CAST: variants seen among roughly 807,000 people sequenced by gnomAD.
The protein encoded by CAST is MIR583 host.
A neutral mutation model predicts 119.6 loss-of-function variants in CAST; 76 were observed. The ratio of observed to expected loss-of-function variants is 0.64; its 90% CI spans 0.53 to 0.77. CAST has a LOEUF of 0.77. CAST is among the 30% of genes least tolerant of loss of function. The pLI is 0.00. For missense variants in CAST, 953 were observed against 946.5 expected (o/e 1.01, Z -0.09); for synonymous variants, 319 against 331.6 (o/e 0.96, Z 0.41).
chr5:96,246,328 A>G, the CAST span, among the ~76,000 whole-genome samples: 22 of 151,672 alleles, frequency 1.5e-4, no homozygotes, highest in Non-Finnish European at 1.5e-4. Context: ...GACTACAGGC[A>G]CCCGCCACCA....
chr5:96,648,312 G>A (rs1447263755), intron 1 of CAST, among the ~76,000 whole-genome samples: 1 of 152,134 alleles, frequency 6.6e-6, no homozygotes, highest in Non-Finnish European at 1.5e-5. Flanking sequence ...TTTCAGGATA[G>A]AGTCACTCAG....
intron 1 of CAST, among the ~76,000 whole-genome samples, chr5:96,580,219 T>C (rs1580833195): frequency 6.6e-6 from 1 of 152,174 alleles, no homozygotes; most frequent in East Asian, 1.9e-4. Flanking sequence ...TTATATTAAT[T>C]TCCCCAGAAA....
chr5:96,427,423 G>C, the CAST span, among the ~76,000 whole-genome samples: 3,746 of 152,228 alleles, frequency 0.025, 153 homozygotes, highest in African/African-American at 0.086. Context: ...TAATACTTTT[G>C]ATCTGGAAAG....
rs572791719 is a variant in CAST, at chr5:96,744,789, A to G, written c.1201-1553A>G. On this transcript the variant is annotated intron_variant, in intron 16 of 31. Coordinates refer to ENST00000675179, the MANE Select transcript of CAST (RefSeq NM_001750.7). ...CTGCCACCCCAGCATACCCCAGAAT[A>G]GAGAGCTATCTGTGGAAAACCACAC... Among the ~76,000 whole-genome samples the G allele has an allele frequency of 2.8e-3, 427 of 152,322 alleles. 7 individuals are homozygous for G. The highest frequency in any genetic ancestry group is 9.7e-3 in the African/African-American group (403 of 41,572).
chr5:96,201,971 A>G, the CAST span, among the ~76,000 whole-genome samples: 61 of 150,052 alleles, frequency 4.1e-4, no homozygotes, highest in East Asian at 2.1e-3. Flanking sequence ...ATAAAATAAA[A>G]TAAGATGAAA....
At chr5:96,333,248 T>C in the CAST span, among the ~76,000 whole-genome samples, 7 of 152,090 alleles carry the variant, frequency 4.6e-5, no homozygotes, top group Non-Finnish European at 8.8e-5. Flanking sequence ...TAGAGTGACC[T>C]GTACAGTGTG....
intron 9 of CAST, among the ~76,000 whole-genome samples, chr5:96,733,926 G>C (rs184948360): frequency 4.9e-4 from 75 of 152,272 alleles, no homozygotes; most frequent in South Asian, 6.2e-4. Context: ...TGGTTCTGCA[G>C]GATGCACTAG....
chr5:96,752,480 A>C (rs1446998225), intron 20 of CAST, among the ~76,000 whole-genome samples: 4 of 148,562 alleles, frequency 2.7e-5, no homozygotes, highest in African/African-American at 9.8e-5. Flanking sequence ...ATCCTTGATT[A>C]GAGTGTTGCA....
the CAST span, among the ~76,000 whole-genome samples, chr5:96,158,294 T>C: frequency 2.0e-5 from 3 of 152,220 alleles, no homozygotes; most frequent in Admixed American, 6.5e-5. Flanking sequence ...CAGCAAATTT[T>C]ATTCTGATGC....
At chr5:96,185,684 C>A in the CAST span, among the ~76,000 whole-genome samples, 1 of 152,222 alleles carries the variant, frequency 6.6e-6, no homozygotes, top group Non-Finnish European at 1.5e-5. Flanking sequence ...TTTCTGAGTT[C>A]TCTATTCTGA....
intron 1 of CAST, among the ~76,000 whole-genome samples, chr5:96,540,479 A>G (rs1008191548): frequency 2.6e-5 from 4 of 152,184 alleles, no homozygotes; most frequent in African/African-American, 7.2e-5. Context: ...TATAGAAAAA[A>G]TAAGCAAATA....
At chr5:96,603,759 CTTTTTTTTTTTTT>C (rs70981832) in intron 1 of CAST, among the ~76,000 whole-genome samples, 3 of 79,498 alleles carry the variant, frequency 3.8e-5, no homozygotes, top group East Asian at 9.1e-4. Flanking sequence ...GTGCTGTACT[CTTTTTTTTTTTTT>C]TTTTTTTTTT....
chr5:96,468,975 A>T, the CAST span, among the ~76,000 whole-genome samples: 1 of 152,052 alleles, frequency 6.6e-6, no homozygotes. Context: ...CATAAACTTA[A>T]ATTTTGTCCT....
intron 1 of CAST, chr5:96,546,538 T>C (rs918835023): frequency 1.6e-5 from 2 of 126,122 alleles, no homozygotes; most frequent in Non-Finnish European, 3.3e-5. Context: ...TTTCTCAAAA[T>C]GGAAATAGTT....
intron 1 of CAST, among the ~76,000 whole-genome samples, chr5:96,572,404 T>C (rs1389149196): frequency 1.3e-5 from 2 of 152,212 alleles, no homozygotes; most frequent in Non-Finnish European, 2.9e-5. Context: ...TTTCGCCATG[T>C]TGGCCAGGCT....
intron 1 of CAST, among the ~76,000 whole-genome samples, chr5:96,607,757 C>T (rs6861034): frequency 0.11 from 17,242 of 150,724 alleles, 1,412 homozygotes; most frequent in African/African-American, 0.24. Flanking sequence ...GAGAGACTGC[C>T]GGTGCAGAAG....
At chr5:96,044,996 G>A in the CAST span, among the ~76,000 whole-genome samples, 1 of 152,178 alleles carries the variant, frequency 6.6e-6, no homozygotes, top group African/African-American at 2.4e-5. Context: ...GCCTTCTAGA[G>A]GTCTAATAAT....
chr5:96,742,852 T>C (rs1762989397), intron 16 of CAST, 96 bp downstream of exon 16: 1 of 865,722 alleles, frequency 1.2e-6, no homozygotes, highest in East Asian at 2.7e-5. Context: ...CAACTTTTAT[T>C]GGAGAGTAAA....
chr5:96,008,229 C>A, the CAST span, among the ~76,000 whole-genome samples: 7 of 152,154 alleles, frequency 4.6e-5, no homozygotes, highest in African/African-American at 1.7e-4. Context: ...CAGAACTGGG[C>A]AATTATCAAA....
Sources: gnomAD v4.1 joint callset for allele counts (sites outside exome capture counted in the v4.1 genomes callset) on GRCh38, gnomAD v4.1.1 for gene constraint, MANE v1.5 for transcripts, NCBI Gene and HGNC (gene_info 2026-07-23, HGNC 2026-07-21) for gene names.